IQCM: variants seen among roughly 807,000 people sequenced by gnomAD.
IQCM encodes IQ domain-containing protein M.
A neutral mutation model predicts 57.6 loss-of-function variants in IQCM; 45 were observed. That is an observed-to-expected ratio of 0.78 (90% CI 0.62 to 1.00). IQCM has a LOEUF of 1.00. Ranked by LOEUF, IQCM falls within the 50% of genes least tolerant of loss-of-function variation. IQCM has a pLI of 0.00. For synonymous variants in IQCM, 148 were observed against 158.9 expected (o/e 0.93, Z 0.51); for missense variants, 468 against 511.6 (o/e 0.91, Z 0.82).
intron 12 of IQCM, among the ~76,000 whole-genome samples, chr4:149,473,369 A>G (rs146435946): frequency 0.018 from 2,693 of 152,330 alleles, 81 homozygotes; most frequent in African/African-American, 0.062. Context: ...CAGACACATG[A>G]AAAAATGTTC....
chr4:149,676,008 T>G, intron 7 of IQCM, among the ~76,000 whole-genome samples: 1 of 152,164 alleles, frequency 6.6e-6, no homozygotes, highest in South Asian at 2.1e-4. Context: ...GCTTTTTTTC[T>G]TTTGAAAAAG....
At chr4:149,403,132 T>C (rs1732735774) in intron 13 of IQCM, among the ~76,000 whole-genome samples, 1 of 152,022 alleles carries the variant, frequency 6.6e-6, no homozygotes, top group East Asian at 1.9e-4. Context: ...ATCTTCAGTG[T>C]TTTATTTCTT....
rs536026213 is a variant in IQCM at position 149,547,741 on chromosome 4, A to G, written c.1228+714T>C. The stretch of plus-strand genomic sequence containing the variant: ...GATTGTAGTAGTCATTACACAATGC[A>G]TATGTATCCCAAATCATCATATTAC... On this transcript the variant is annotated intron_variant, in intron 12 of 13. Coordinates refer to ENST00000636793, the MANE Select transcript of IQCM (RefSeq NM_001363507.2). Among the ~76,000 whole-genome samples, 38 of 152,300 alleles carry G rather than the reference A, an allele frequency of 2.5e-4. No homozygotes were observed. The East Asian group carries it at 4.8e-3, about 19-fold the overall frequency.
At chr4:149,560,770 C>G (rs1408692298) in intron 10 of IQCM, among the ~76,000 whole-genome samples, 1 of 152,098 alleles carries the variant, frequency 6.6e-6, no homozygotes, top group Non-Finnish European at 1.5e-5. Context: ...CTTGAGTAAT[C>G]TTAAACTTCT....
intron 13 of IQCM, among the ~76,000 whole-genome samples, chr4:149,417,043 C>G (rs1578989002): frequency 6.6e-6 from 1 of 152,058 alleles, no homozygotes; most frequent in African/African-American, 2.4e-5. Flanking sequence ...AGACCTAAGA[C>G]TCTCATATGG....
intron 6 of IQCM, among the ~76,000 whole-genome samples, chr4:149,686,030 C>T (rs1034197252): frequency 6.6e-6 from 1 of 151,394 alleles, no homozygotes; most frequent in African/African-American, 2.4e-5. Context: ...TTACTCTGCT[C>T]CATAATTGCT....
intron 2 of IQCM, among the ~76,000 whole-genome samples, chr4:149,744,119 T>A (rs1219590790): frequency 6.6e-6 from 1 of 152,178 alleles, no homozygotes; most frequent in Non-Finnish European, 1.5e-5. Flanking sequence ...TACAACACTT[T>A]TCCTCAGCTT....
chr4:149,782,518 G>A (rs1052903148), intron 2 of IQCM, among the ~76,000 whole-genome samples: 4 of 151,456 alleles, frequency 2.6e-5, no homozygotes, highest in African/African-American at 7.3e-5. Flanking sequence ...GCTGAGGTGG[G>A]ACGATTGCTT....
chr4:149,624,752 G>A (rs1436102821), intron 7 of IQCM, among the ~76,000 whole-genome samples: 3 of 152,158 alleles, frequency 2.0e-5, no homozygotes, highest in Non-Finnish European at 4.4e-5. Context: ...GTAGTTCAAC[G>A]TTTAAAAATA....
At chr4:149,773,700 T>G (rs1770808650) in intron 2 of IQCM, among the ~76,000 whole-genome samples, 1 of 152,136 alleles carries the variant, frequency 6.6e-6, no homozygotes, top group Non-Finnish European at 1.5e-5. Context: ...CCACTAGAGG[T>G]GGAGGGGGCA....
chr4:149,728,600 C>A (rs1357736266), intron 5 of IQCM, among the ~76,000 whole-genome samples: 1 of 152,164 alleles, frequency 6.6e-6, no homozygotes, highest in Non-Finnish European at 1.5e-5. Flanking sequence ...GGGAGGAGAA[C>A]ACATAACACT....
At position 149,632,034 on chromosome 4, in the gene IQCM, C is replaced by T. The variant is rs140707462; in HGVS notation, c.566-10790G>A. On this transcript the variant is annotated intron_variant, in intron 7 of 13. Coordinates refer to ENST00000636793, the MANE Select transcript of IQCM (RefSeq NM_001363507.2). ...ATCTTACATGTTAACAGTTTAAAAC[C>T]TAGGTGAATGAACAGAAGCAGGCCA... is the stretch of plus-strand genomic sequence containing the variant. Among the ~76,000 whole-genome samples, 596 of 152,218 alleles carry T rather than the reference C, an allele frequency of 3.9e-3. 14 individuals are homozygous for T. The highest frequency in any genetic ancestry group is 0.036 in the Admixed American group (549 of 15,288).
chr4:149,538,613 A>G (rs1747537840), intron 12 of IQCM, among the ~76,000 whole-genome samples: 1 of 152,006 alleles, frequency 6.6e-6, no homozygotes, highest in African/African-American at 2.4e-5. Flanking sequence ...ATCAAACTCT[A>G]TGCTCTCTAT....
chr4:149,689,841 C>T (rs541908222), intron 5 of IQCM, among the ~76,000 whole-genome samples: 185 of 152,122 alleles, frequency 1.2e-3, no homozygotes, highest in Middle Eastern at 6.8e-3. Flanking sequence ...CTCAACATCA[C>T]TAATGATCAG....
At chr4:149,565,853 T>G (rs17625062) in intron 9 of IQCM, among the ~76,000 whole-genome samples, 1,835 of 152,326 alleles carry the variant, frequency 0.012, 92 homozygotes, top group Admixed American at 0.085. Context: ...TGTACAATAT[T>G]CTTATAACTG....
At chr4:149,748,335 C>T (rs1037005197) in intron 2 of IQCM, among the ~76,000 whole-genome samples, 7 of 152,074 alleles carry the variant, frequency 4.6e-5, no homozygotes, top group Admixed American at 1.3e-4. Context: ...CATGCATGGA[C>T]ACTTACATTA....
chr4:149,685,121 T>A (rs1470593214), intron 6 of IQCM, among the ~76,000 whole-genome samples: 1 of 151,550 alleles, frequency 6.6e-6, no homozygotes, highest in East Asian at 1.9e-4. Context: ...CCTGATCAGA[T>A]TTATTAATAA....
At chr4:149,688,574 T>C (rs1011171530) in intron 5 of IQCM, among the ~76,000 whole-genome samples, 2 of 151,828 alleles carry the variant, frequency 1.3e-5, no homozygotes, top group African/African-American at 4.8e-5. Flanking sequence ...AATACCACCA[T>C]CATTCTTCAC....
chr4:149,455,150 C>T (rs1737556373), intron 12 of IQCM, among the ~76,000 whole-genome samples: 1 of 152,034 alleles, frequency 6.6e-6, no homozygotes, highest in South Asian at 2.1e-4. Flanking sequence ...TTAGATGTAA[C>T]CTTGTTGTAA....
Sources: gnomAD v4.1 joint callset for allele counts (sites outside exome capture counted in the v4.1 genomes callset) on GRCh38, gnomAD v4.1.1 for gene constraint, MANE v1.5 for transcripts, NCBI Gene and HGNC (gene_info 2026-07-23, HGNC 2026-07-21) for gene names.